The following AGBL1 variants were observed in gnomAD, a reference collection of about 807,000 sequenced individuals.
The protein encoded by AGBL1 is AGBL carboxypeptidase 1, also known as cytosolic carboxypeptidase 4.
A neutral mutation model predicts 118.9 loss-of-function variants in AGBL1; 130 were observed. That is an observed-to-expected ratio of 1.09 (90% CI 0.95 to 1.26). The LOEUF (loss-of-function observed/expected upper bound fraction) is 1.26, where lower values mean the gene tolerates loss of function less well. AGBL1 is among the 50% of genes most tolerant of loss of function. The pLI is 0.00. For missense variants in AGBL1, 1,584 were observed against 1,298.1 expected (o/e 1.22, Z -3.38); for synonymous variants, 555 against 478.9 (o/e 1.16, Z -2.08).
intron 22 of AGBL1, among the ~76,000 whole-genome samples, chr15:86,761,087 T>C (rs955376015): frequency 5.9e-5 from 9 of 152,080 alleles, no homozygotes; most frequent in Admixed American, 3.9e-4. Context: ...AAAGGGATTT[T>C]AGGAGCCTCT....
intron 22 of AGBL1, among the ~76,000 whole-genome samples, chr15:86,849,033 G>A (rs1567205481): frequency 6.6e-6 from 1 of 152,120 alleles, no homozygotes; most frequent in African/African-American, 2.4e-5. Flanking sequence ...GTTTGAGCAG[G>A]GATCCTCTGG....
At chr15:86,308,171 T>A (rs1225836762) in intron 17 of AGBL1, among the ~76,000 whole-genome samples, 1 of 152,232 alleles carries the variant, frequency 6.6e-6, no homozygotes, top group African/African-American at 2.4e-5. Flanking sequence ...GTTACTCATT[T>A]TTCATTGCTC....
intron 21 of AGBL1, among the ~76,000 whole-genome samples, chr15:86,620,870 T>C (rs1023176871): frequency 2.6e-5 from 4 of 152,072 alleles, no homozygotes; most frequent in African/African-American, 9.7e-5. Context: ...CCTGCATGTC[T>C]CTCTTCACGG....
At chr15:86,115,061 A>T (rs1227087766) in intron 1 of AGBL1, among the ~76,000 whole-genome samples, 1 of 152,238 alleles carries the variant, frequency 6.6e-6, no homozygotes, top group Non-Finnish European at 1.5e-5. Flanking sequence ...ACCTCAAGTA[A>T]GGAAGACCTG....
intron 19 of AGBL1, among the ~76,000 whole-genome samples, chr15:86,531,912 C>A (rs532217703): frequency 1.5e-4 from 23 of 149,940 alleles, no homozygotes; most frequent in South Asian, 6.4e-4. Flanking sequence ...ATTCAACAAC[C>A]CTTCATGCTA....
intron 22 of AGBL1, among the ~76,000 whole-genome samples, chr15:86,753,486 C>T (rs1183089678): frequency 1.3e-5 from 2 of 149,044 alleles, no homozygotes; most frequent in Non-Finnish European, 3.0e-5. Flanking sequence ...CAACTTTTGC[C>T]TCCCGGATTC....
intron 24 of AGBL1, among the ~76,000 whole-genome samples, chr15:86,990,335 T>C (rs971101119): frequency 6.6e-6 from 1 of 152,090 alleles, no homozygotes; most frequent in Non-Finnish European, 1.5e-5. Flanking sequence ...ACCAACAAGG[T>C]GAAACCCTGT....
At chr15:86,197,005 C>A (rs531923977) in intron 5 of AGBL1, among the ~76,000 whole-genome samples, 1 of 151,862 alleles carries the variant, frequency 6.6e-6, no homozygotes, top group Non-Finnish European at 1.5e-5. Flanking sequence ...ACCAACCCTG[C>A]CAGACCTTCT....
intron 17 of AGBL1, among the ~76,000 whole-genome samples, chr15:86,316,507 C>T (rs2080012914): frequency 6.6e-6 from 1 of 152,158 alleles, no homozygotes; most frequent in African/African-American, 2.4e-5. Flanking sequence ...GTAATTTGAA[C>T]ATCTGTCTCC....
At chr15:86,924,926 T>A (rs1250618005) in intron 23 of AGBL1, among the ~76,000 whole-genome samples, 2 of 151,770 alleles carry the variant, frequency 1.3e-5, no homozygotes. Context: ...ATACAAAAAA[T>A]TAAATTAAAA....
At chr15:86,271,899 G>A (rs1026719349) in intron 15 of AGBL1, among the ~76,000 whole-genome samples, 193 bp downstream of exon 15, 2 of 152,162 alleles carry the variant, frequency 1.3e-5, no homozygotes, top group African/African-American at 2.4e-5. Flanking sequence ...AGTAGACCTC[G>A]AGAAATACCT....
chr15:86,271,559 T>A, intron 14 of AGBL1, 60 bp from the exon 15 acceptor site: 1 of 1,322,394 alleles, frequency 7.6e-7, no homozygotes, highest in East Asian at 2.3e-5. Flanking sequence ...TGGGGGTCAT[T>A]ATTTGGCCCA....
intron 18 of AGBL1, among the ~76,000 whole-genome samples, chr15:86,499,708 G>A (rs191179386): frequency 1.3e-5 from 2 of 151,926 alleles, no homozygotes; most frequent in Admixed American, 1.3e-4. Context: ...CTAGTAGGAG[G>A]TATACATTTT....
intron 22 of AGBL1, among the ~76,000 whole-genome samples, chr15:86,679,844 C>G (rs2085921595): frequency 1.3e-5 from 2 of 152,020 alleles, no homozygotes; most frequent in South Asian, 2.1e-4. Flanking sequence ...TATAGATTTT[C>G]TAATATTCAG....
chr15:86,784,508 T>C (rs577060950), intron 22 of AGBL1, among the ~76,000 whole-genome samples: 1 of 152,374 alleles, frequency 6.6e-6, no homozygotes, highest in African/African-American at 2.4e-5. Flanking sequence ...TTAGAGATTT[T>C]AGTTTATTTG....
intron 17 of AGBL1, among the ~76,000 whole-genome samples, chr15:86,379,258 C>T (rs912495944): frequency 6.6e-6 from 1 of 152,016 alleles, no homozygotes; most frequent in African/African-American, 2.4e-5. Flanking sequence ...CCTGAAAAAA[C>T]CCTTGTTCTT....
intron 21 of AGBL1, among the ~76,000 whole-genome samples, chr15:86,627,129 T>C (rs2084900854): frequency 6.6e-6 from 1 of 152,060 alleles, no homozygotes; most frequent in African/African-American, 2.4e-5. Context: ...GCCTCCTGAG[T>C]AGCTGGGATT....
At chr15:86,650,538 C>T (rs1250777101) in intron 21 of AGBL1, among the ~76,000 whole-genome samples, 1 of 152,140 alleles carries the variant, frequency 6.6e-6, no homozygotes, top group Non-Finnish European at 1.5e-5. Context: ...GTCCAACATA[C>T]CTGTTTTTTC....
At chr15:86,156,253 C>G (rs571827093) in intron 4 of AGBL1, among the ~76,000 whole-genome samples, 18 of 152,246 alleles carry the variant, frequency 1.2e-4, no homozygotes, top group African/African-American at 3.9e-4. Flanking sequence ...CAATTTGGAG[C>G]TCAGGATGTC....
Sources: gnomAD v4.1 joint callset for allele counts (sites outside exome capture counted in the v4.1 genomes callset) on GRCh38, gnomAD v4.1.1 for gene constraint, MANE v1.5 for transcripts, NCBI Gene and HGNC (gene_info 2026-07-23, HGNC 2026-07-21) for gene names.